Variants in ADGRV1 observed in about 807,000 individuals in gnomAD.
The protein encoded by ADGRV1 is adhesion G protein-coupled receptor V1.
A neutral mutation model predicts 596.2 loss-of-function variants in ADGRV1; 359 were observed. The ratio of observed to expected loss-of-function variants is 0.60; its 90% CI spans 0.55 to 0.66. The LOEUF (loss-of-function observed/expected upper bound fraction) is 0.66, where lower values mean the gene tolerates loss of function less well. ADGRV1 is among the 30% of genes least tolerant of loss of function. The pLI is 0.00. For missense variants in ADGRV1, 7,274 were observed against 7,575.6 expected (o/e 0.96, Z 1.48); for synonymous variants, 2,681 against 2,679.2 (o/e 1.00, Z -0.02).
At chr5:90,596,673 G>T (rs1239713670) in intron 1 of ADGRV1, among the ~76,000 whole-genome samples, 2 of 152,138 alleles carry the variant, frequency 1.3e-5, no homozygotes, top group African/African-American at 4.8e-5. Flanking sequence ...GCCTGCAATT[G>T]CAGGCACTCC....
Position 91,163,933 on chromosome 5 carries a change from C to T in ADGRV1, c.*33C>T. The T allele has an allele frequency of 9.9e-7, 1 of 1,006,048 alleles. No homozygotes were observed. The highest frequency in any genetic ancestry group is 1.3e-5 in the South Asian group (1 of 74,486). The allele number at this position is 1,006,048 out of a possible 1,614,324, so 62.3% of individuals were successfully genotyped here. A position where few individuals can be genotyped will look rare whatever the true frequency, so the allele number is the denominator to read the frequency against. On this transcript the variant is annotated 3_prime_UTR_variant, in exon 90 of 90. Transcript: ENST00000405460. ...CTAACCATTCGACTGAGCACACTTTCATATTTGTATCAGCTTTTGTGCTAA... is the reference window on the plus strand; with the variant it reads ...CTAACCATTCGACTGAGCACACTTTTATATTTGTATCAGCTTTTGTGCTAA...
intron 85 of ADGRV1, among the ~76,000 whole-genome samples, chr5:91,055,113 C>T (rs1419076694): frequency 6.6e-6 from 1 of 152,110 alleles, no homozygotes; most frequent in Admixed American, 6.5e-5. Flanking sequence ...AGCACCAACC[C>T]AGAGCCTTCA....
rs1256165899 is a variant in ADGRV1, at chr5:91,164,160, T to C, written c.*260T>C. The C allele has an allele frequency of 1.9e-6, 1 of 515,418 alleles. No individual in the cohort carries two copies. Among genetic ancestry groups the C allele is most frequent in the Non-Finnish European group, 3.6e-6 (1 of 278,104 alleles). The allele number at this position is 515,418 out of a possible 1,614,324, so 31.9% of individuals were successfully genotyped here. A position where few individuals can be genotyped will look rare whatever the true frequency, so the allele number is the denominator to read the frequency against. On this transcript the variant is annotated 3_prime_UTR_variant, in exon 90 of 90. Coordinates refer to ENST00000405460, the MANE Select transcript of ADGRV1 (RefSeq NM_032119.4). ...AGGATATTAGTTGTTTTTTTAATCA[T>C]CCTATATGGCTAACATTGTTTAATG...
In ADGRV1 at chr5:90,658,186, A is replaced by G; in HGVS notation, c.4660A>G (p.Ile1554Val). Reference protein sequence around the residue: ...KLVSVYGGARISEENTTARLT... With the variant: ...KLVSVYGGARVSEENTTARLT... ...AGTTTCTGTATATGGAGGAGCTCGT[A>G]TTTCGGAAGAAAATACTACTGCAAG... Residue 1554 changes from isoleucine (I) to valine (V), a missense_variant, in exon 21 of 90, where the codon ATT becomes GTT. Ile to Val is a conservative substitution (Grantham distance 29). This residue lies in a region of ADGRV1 where 3,643 missense variants were observed against 3,809.2 expected (regional missense o/e 0.96). Coordinates refer to ENST00000405460, the MANE Select transcript of ADGRV1 (RefSeq NM_032119.4). 6.3e-7 allele frequency: 1 copy of G among 1,587,888 alleles called. No homozygotes were observed.
chr5:90,604,596 G>A (rs1476492958), intron 1 of ADGRV1, among the ~76,000 whole-genome samples: 3 of 151,846 alleles, frequency 2.0e-5, no homozygotes, highest in Non-Finnish European at 4.4e-5. Context: ...GAGTTACAGG[G>A]GTCAAAAATC....
intron 50 of ADGRV1, among the ~76,000 whole-genome samples, chr5:90,735,166 A>C (rs1252085400): frequency 6.6e-6 from 1 of 152,158 alleles, no homozygotes; most frequent in African/African-American, 2.4e-5. Context: ...TAAGGTCTTT[A>C]ATTTATTTTG....
rs532794632 is a variant in ADGRV1, at chr5:90,975,027, C to A, written c.17973+9496C>A. ...AAGAAAAAAACAAACAACCCCATCACAAAGTGGGCGAAGGATATGAACAGA... is the reference window on the plus strand; with the variant it reads ...AAGAAAAAAACAAACAACCCCATCAAAAAGTGGGCGAAGGATATGAACAGA... On this transcript the variant is annotated intron_variant, in intron 84 of 89. Coordinates refer to ENST00000405460, the MANE Select transcript of ADGRV1 (RefSeq NM_032119.4). 7.0e-4 allele frequency among the ~76,000 whole-genome samples: 107 copies of A among 152,092 alleles called. 6 individuals carry two copies. The East Asian group carries it at 0.017, about 24-fold the overall frequency.
At chr5:90,636,793 G>GTT (rs929164653) in intron 10 of ADGRV1, among the ~76,000 whole-genome samples, 4 of 145,300 alleles carry the variant, frequency 2.8e-5, no homozygotes, top group African/African-American at 7.5e-5. Context: ...AAAATGTCTT[G>GTT]TTTTTTTTTT....
Position 90,853,439 on chromosome 5 carries a change from C to G in ADGRV1, c.17360C>G (p.Ala5787Gly). Reference sequence around the variant, plus strand: ...GATGTCCAGGATGCAGAAATAATGGCTGGGAAAAGTACATGTAAATTAGTC... The same window carrying G: ...GATGTCCAGGATGCAGAAATAATGGGTGGGAAAAGTACATGTAAATTAGTC... ...LLDVQDAEIM[A>G]GKSTCKLVQF... The change falls in exon 80 of 90, where the codon GCT becomes GGT. Residue 5787 changes from alanine (A) to glycine (G), a missense_variant. Physicochemically the swap from Ala to Gly is moderately conservative, Grantham distance 60. Coordinates refer to ENST00000405460, the MANE Select transcript of ADGRV1 (RefSeq NM_032119.4). The G allele has an allele frequency of 6.2e-7, 1 of 1,613,322 alleles. No individual in the cohort carries two copies. The highest frequency in any genetic ancestry group is 1.7e-5 in the Admixed American group (1 of 59,934).
intron 25 of ADGRV1, 38 bp downstream of exon 25, chr5:90,676,247 G>C (rs896727148): frequency 2.5e-6 from 4 of 1,582,584 alleles, no homozygotes; most frequent in African/African-American, 2.7e-5. Flanking sequence ...ATATTTGCTT[G>C]TCTACCCATG....
At chr5:90,721,576 T>TAAAATAAAATATAAA (rs1554094717) in intron 45 of ADGRV1, among the ~76,000 whole-genome samples, 1 of 119,914 alleles carries the variant, frequency 8.3e-6, no homozygotes, top group East Asian at 2.1e-4. Flanking sequence ...TAAAATAAAA[T>TAAAATAAAATATAAA]AAAATAAAAT....
Position 90,956,456 on chromosome 5 carries a change from A to G in ADGRV1, c.17857-8959A>G, listed in dbSNP as rs117789718. On this transcript the variant is annotated intron_variant, in intron 83 of 89. Transcript: ENST00000405460. ...GAATACAAACCTTAGTGTGCTATCT[A>G]TGTAAAGAATTTAATTATGTTCACT... 2.6e-5 allele frequency among the ~76,000 whole-genome samples: 4 copies of G among 152,320 alleles called. No homozygotes were observed. The East Asian group carries it at 5.8e-4, about 22-fold the overall frequency.
chr5:90,650,911 A>G (rs1272169767), intron 17 of ADGRV1, among the ~76,000 whole-genome samples: 6 of 152,132 alleles, frequency 3.9e-5, no homozygotes, highest in Admixed American at 2.6e-4. Flanking sequence ...TGAAGATGGG[A>G]AGGACTTTTG....
chr5:91,124,006 T>C (rs545874067), intron 87 of ADGRV1, among the ~76,000 whole-genome samples: 10 of 152,134 alleles, frequency 6.6e-5, no homozygotes, highest in Non-Finnish European at 1.5e-4. Flanking sequence ...GGGATGCATT[T>C]TAAATAGGTG....
At chr5:90,787,322 A>C (rs925412207) in intron 67 of ADGRV1, among the ~76,000 whole-genome samples, 19 of 152,178 alleles carry the variant, frequency 1.2e-4, no homozygotes, top group African/African-American at 4.3e-4. Flanking sequence ...TTACACTAGG[A>C]ATATAAGTAG....
chr5:90,725,706 CATTATA>C, intron 48 of ADGRV1, 50 bp downstream of exon 48: 1 of 986,226 alleles, frequency 1.0e-6, no homozygotes, highest in Non-Finnish European at 1.6e-6. Context: ...TTCTTTTTAA[CATTATA>C]ATTGAAATTT....
chr5:90,655,467 G>T (rs1039204982), intron 20 of ADGRV1: 2 of 152,052 alleles, frequency 1.3e-5, no homozygotes, highest in African/African-American at 4.8e-5. Flanking sequence ...GTTGTTTTCT[G>T]TTCTGCCTAC....
intron 50 of ADGRV1, among the ~76,000 whole-genome samples, chr5:90,735,671 G>GT (rs1753128617): frequency 6.6e-6 from 1 of 151,860 alleles, no homozygotes; most frequent in Non-Finnish European, 1.5e-5. Flanking sequence ...ATTTATTTGT[G>GT]TTTTTTTCTA....
At chr5:90,692,213 G>T (rs1370527215) in intron 31 of ADGRV1, among the ~76,000 whole-genome samples, 1 of 151,914 alleles carries the variant, frequency 6.6e-6, no homozygotes, top group Non-Finnish European at 1.5e-5. Context: ...GATAATGTGG[G>T]AAATAAAGCA....
Sources: allele counts gnomAD v4.1 joint callset (sites outside exome capture counted in the v4.1 genomes callset), GRCh38; gene constraint gnomAD v4.1.1; regional missense constraint gnomAD v4.1.1; transcripts MANE v1.5; gene names NCBI Gene and HGNC (gene_info 2026-07-23, HGNC 2026-07-21).